ZNF142: variants seen among roughly 807,000 people sequenced by gnomAD.
The protein encoded by ZNF142 is zinc finger protein 142.
A neutral mutation model predicts 132.1 loss-of-function variants in ZNF142; 96 were observed. The ratio of observed to expected loss-of-function variants is 0.73; its 90% CI spans 0.62 to 0.86. ZNF142 has a LOEUF of 0.86. Ranked by LOEUF, ZNF142 falls within the 40% of genes least tolerant of loss-of-function variation. The pLI is 0.00. For missense variants in ZNF142, 2,163 were observed against 2,336.2 expected (o/e 0.93, Z 1.53); for synonymous variants, 842 against 890.1 (o/e 0.95, Z 0.96).
rs1448062047 is a variant in ZNF142, at chr2:218,636,905, C to T, written c.*1434G>A. 1 of 469,846 alleles carries T rather than the reference C, an allele frequency of 2.1e-6. No homozygotes were observed. Among genetic ancestry groups the T allele is most frequent in the African/African-American group, 2.0e-5 (1 of 50,654 alleles). 29.1% of individuals were successfully genotyped at this position (469,846 alleles called of 1,614,324 possible). On this transcript the variant is annotated 3_prime_UTR_variant, in exon 11 of 11. Transcript: ENST00000411696. ...CTACAACTAATCTTTCCCATCAACT[C>T]TGTGTGAAGGCAGGTTGCAACTAGA...
rs765443799 is a variant in ZNF142, at chr2:218,648,786, G to A, written c.1722C>T (p.Cys574=). 11 of 1,614,090 alleles carry A rather than the reference G, an allele frequency of 6.8e-6. No homozygotes were observed. Among genetic ancestry groups the A allele is most frequent in the Non-Finnish European group, 8.5e-6 (10 of 1,180,016 alleles). Residue 574 remains cysteine (C), a synonymous_variant, in exon 7 of 11, where the codon TGC becomes TGT. Coordinates refer to ENST00000411696, the MANE Select transcript of ZNF142 (RefSeq NM_001379659.1). ...QGHPGSEELR[C]TFCPFATFNP... ...TGAAGGTGGCAAAGGGGCAGAAGGT[G>A]CAGCGCAGCTCTTCACTGCCAGGGT...
At position 218,644,462 on chromosome 2, in the gene ZNF142, G is replaced by A; in HGVS notation, c.2654C>T (p.Pro885Leu). The change falls in exon 9 of 11, where the codon CCA becomes CTA. Residue 885 changes from proline to leucine, a missense_variant. This residue lies in a region of ZNF142 where 749 missense variants were observed against 830.3 expected (regional missense o/e 0.90). Coordinates refer to ENST00000411696, the MANE Select transcript of ZNF142 (RefSeq NM_001379659.1). This position sits in a 1 kb window ranked among gnomAD's most constrained non-coding sequence, Gnocchi z 4.6. Reference protein sequence around the residue: ...HGGDLGGSPSPAEVEEGSCTL... With the variant: ...HGGDLGGSPSLAEVEEGSCTL... Reference sequence around the variant, plus strand: ...GCAGCTGCCCTCCTCCACCTCTGCTGGGCTGGGACTGCCACCCAGGTCACC... The same window carrying A: ...GCAGCTGCCCTCCTCCACCTCTGCTAGGCTGGGACTGCCACCCAGGTCACC... 1 of 1,614,020 alleles carries A rather than the reference G, an allele frequency of 6.2e-7. No homozygotes were observed. The highest frequency in any genetic ancestry group is 8.5e-7 in the Non-Finnish European group (1 of 1,180,016).
In ZNF142 at chr2:218,635,487, C is replaced by T. The variant is rs1047901910; in HGVS notation, c.*2852G>A. 5.9e-5 allele frequency among the ~76,000 whole-genome samples: 9 copies of T among 152,024 alleles called. No homozygotes were observed. The highest frequency in any genetic ancestry group is 7.4e-5 in the Non-Finnish European group (5 of 67,998). On this transcript the variant is annotated 3_prime_UTR_variant, in exon 11 of 11. Transcript: ENST00000411696. ...CCGAGTAGCTGGGACTACAGGCGCC[C>T]GCCACCATGCCTGGCTAATTTTTGT... is the stretch of plus-strand genomic sequence containing the variant.
chr2:218,655,694 G>A (rs1045241805), intron 4 of ZNF142, among the ~76,000 whole-genome samples: 3 of 152,134 alleles, frequency 2.0e-5, no homozygotes. Context: ...GATGAGTAAA[G>A]TATGTTATAC....
At chr2:218,651,531 A>G (rs1470803108) in intron 5 of ZNF142, among the ~76,000 whole-genome samples, 170 bp downstream of exon 5, 1 of 152,228 alleles carries the variant, frequency 6.6e-6, no homozygotes, top group East Asian at 1.9e-4. Flanking sequence ...ATATATTCCA[A>G]CTGTTTCAAG....
Position 218,637,397 on chromosome 2 carries a change from T to C in ZNF142, c.*942A>G, listed in dbSNP as rs1696823144. On this transcript the variant is annotated 3_prime_UTR_variant, in exon 11 of 11. Coordinates refer to ENST00000411696, the MANE Select transcript of ZNF142 (RefSeq NM_001379659.1). ...TCCCAGCCTTCCTGAAGAGTCTGGCTGGAACCATCCTGGTTTATGTCTGTT... is the reference window on the plus strand; with the variant it reads ...TCCCAGCCTTCCTGAAGAGTCTGGCCGGAACCATCCTGGTTTATGTCTGTT... 6.6e-6 allele frequency among the ~76,000 whole-genome samples: 1 copy of C among 152,244 alleles called. No individual in the cohort carries two copies. The highest frequency in any genetic ancestry group is 1.5e-5 in the Non-Finnish European group (1 of 68,040).
rs769697323 is a variant in ZNF142, at chr2:218,640,724, C to T, written c.5134G>A (p.Glu1712Lys). The T allele has an allele frequency of 4.3e-6, 7 of 1,614,202 alleles. No individual in the cohort carries two copies. The South Asian group carries it at 7.7e-5, about 18-fold the overall frequency. The change falls in exon 10 of 11, where the codon GAG (glutamate) becomes AAG (lysine). Residue 1712 changes from glutamate (E) to lysine (K), a missense_variant. By Grantham distance (56) the Glu-to-Lys change is moderately conservative. Around this residue, in one of 7 missense-constraint regions of ZNF142, gnomAD observed 325 missense variants for 367.8 expected, o/e 0.88. Coordinates refer to ENST00000411696, the MANE Select transcript of ZNF142 (RefSeq NM_001379659.1). The stretch of plus-strand genomic sequence containing the variant: ...ACCCACTTGCACTTGTAGCCACACT[C>T]AGGGCACAGGTACTTCCGTTCCTCC... The part of the protein sequence containing the change: ...HKEERKYLCP[E>K]CGYKCKWVNQ...
chr2:218,635,711 G>T lies in ZNF142; in HGVS notation c.*2628C>A. On this transcript the variant is annotated 3_prime_UTR_variant, in exon 11 of 11. Coordinates refer to ENST00000411696, the MANE Select transcript of ZNF142 (RefSeq NM_001379659.1). ...TGGAGGATGTTTTACAAACCAAAAA[G>T]CTTCTTCTCCCCTGGGGTTGGGAGT... The T allele has an allele frequency of 6.7e-7, 1 of 1,490,948 alleles. No homozygotes were observed. Among genetic ancestry groups the T allele is most frequent in the Non-Finnish European group, 8.9e-7 (1 of 1,117,536 alleles). The allele number at this position is 1,490,948 out of a possible 1,614,324, so 92.4% of individuals were successfully genotyped here. A position where few individuals can be genotyped will look rare whatever the true frequency, so the allele number is the denominator to read the frequency against.
In ZNF142 at chr2:218,636,977, C is replaced by T. The variant is rs2106178604; in HGVS notation, c.*1362G>A. On this transcript the variant is annotated 3_prime_UTR_variant, in exon 11 of 11. Coordinates refer to ENST00000411696, the MANE Select transcript of ZNF142 (RefSeq NM_001379659.1). ...GAGAAACCTAAAGAAGCATCATCCC[C>T]TCCATCCCCAACTTCCTCAAAGCCC... 2.2e-6 allele frequency: 1 copy of T among 452,878 alleles called. No homozygotes were observed. Among genetic ancestry groups the T allele is most frequent in the Non-Finnish European group, 4.4e-6 (1 of 225,628 alleles). 28.1% of individuals were successfully genotyped at this position (452,878 alleles called of 1,614,324 possible). A position where few individuals can be genotyped will look rare whatever the true frequency, so the allele number is the denominator to read the frequency against.
At position 218,638,193 on chromosome 2, in the gene ZNF142, T is replaced by A; in HGVS notation, c.*146A>T. ...TATGGGTGATAATTTCAAAGTACTA[T>A]AGCCAGAGTCCCAGGAAGGTTCTAG... On this transcript the variant is annotated 3_prime_UTR_variant, in exon 11 of 11. Coordinates refer to ENST00000411696, the MANE Select transcript of ZNF142 (RefSeq NM_001379659.1). The A allele has an allele frequency of 1.6e-6, 1 of 642,532 alleles. No individual in the cohort carries two copies. The highest frequency in any genetic ancestry group is 2.3e-6 in the Non-Finnish European group (1 of 427,268). 39.8% of individuals were successfully genotyped at this position (642,532 alleles called of 1,614,324 possible).
chr2:218,646,080 G>T, intron 8 of ZNF142, 91 bp downstream of exon 8: 10 of 1,527,206 alleles, frequency 6.5e-6, no homozygotes, highest in Non-Finnish European at 2.7e-6. Context: ...AGGGACCGGA[G>T]AAAGAAATAG....
Position 218,648,615 on chromosome 2 carries a change from A to G in ZNF142, c.1873+20T>C. 6.3e-7 allele frequency: 1 copy of G among 1,597,376 alleles called. No homozygotes were observed. Among genetic ancestry groups the G allele is most frequent in the Non-Finnish European group, 8.6e-7 (1 of 1,166,564 alleles). The stretch of plus-strand genomic sequence containing the variant: ...ACCATCATTATTACAACATTATTTT[A>G]AGGATGGAAACCATCCTACCCGTAT... On this transcript the variant is annotated intron_variant, in intron 7 of 10. Transcript: ENST00000411696.
In ZNF142 at chr2:218,659,262, G is replaced by A. The variant is rs1376213903; in HGVS notation, c.-362+107C>T. The A allele has an allele frequency of 6.6e-6, 1 of 152,444 alleles. No individual in the cohort carries two copies. Among genetic ancestry groups the A allele is most frequent in the Non-Finnish European group, 1.5e-5 (1 of 68,246 alleles). 9.4% of individuals were successfully genotyped at this position (152,444 alleles called of 1,614,324 possible). A position where few individuals can be genotyped will look rare whatever the true frequency, so the allele number is the denominator to read the frequency against. On this transcript the variant is annotated intron_variant, in intron 1 of 10. Transcript: ENST00000411696. The surrounding 1 kb of genome is among the most constrained non-coding windows in gnomAD (Gnocchi z 4.4). ...CTCCCTTCAGTACCTCCTTCCGAGA[G>A]TTCCCAGCGCCCAGGCCCACCCTGA...
chr2:218,657,148 T>G (rs931217243), intron 3 of ZNF142, among the ~76,000 whole-genome samples: 2 of 151,958 alleles, frequency 1.3e-5, no homozygotes, highest in African/African-American at 4.8e-5. Context: ...ATAATCTCAC[T>G]ATTCCTCAGC....
rs977840233 is a variant in ZNF142, at chr2:218,642,161, T to A, written c.4955A>T (p.Tyr1652Phe). The A allele has an allele frequency of 6.2e-7, 1 of 1,614,058 alleles. No homozygotes were observed. Among genetic ancestry groups the A allele is most frequent in the Non-Finnish European group, 8.5e-7 (1 of 1,180,044 alleles). The change falls in exon 9 of 11, where the codon TAC becomes TTC. Residue 1652 changes from tyrosine to phenylalanine, a missense_variant. Transcript: ENST00000411696. This position sits in a 1 kb window ranked among gnomAD's most constrained non-coding sequence, Gnocchi z 4.6. ...HVKGHGGTRL[Y>F]KCTDCAYSTK... Reference sequence around the variant, plus strand: ...GCTGTAAGCACAATCGGTGCACTTGTAGAGACGAGTGCCCCCATGCCCTTT... The same window carrying A: ...GCTGTAAGCACAATCGGTGCACTTGAAGAGACGAGTGCCCCCATGCCCTTT...
chr2:218,640,551 C>G (rs1356419033), intron 10 of ZNF142, 113 bp downstream of exon 10: 5 of 898,812 alleles, frequency 5.6e-6, no homozygotes, highest in Non-Finnish European at 8.9e-6. Context: ...CTGTCTACTC[C>G]CAATGTGAAA....
rs909512978 is a variant in ZNF142, at chr2:218,659,173, G to A, written c.-361-43C>T. 10 of 152,372 alleles carry A rather than the reference G, an allele frequency of 6.6e-5. No homozygotes were observed. The highest frequency in any genetic ancestry group is 2.4e-4 in the African/African-American group (10 of 41,456). 9.4% of individuals were successfully genotyped at this position (152,372 alleles called of 1,614,324 possible). ...TCATGATTTTGTCCTGAGAGCAGCA[G>A]GTACCCGGGCGGGGTCCAGAACCGT... On this transcript the variant is annotated intron_variant, in intron 1 of 10. Transcript: ENST00000411696. This position sits in a 1 kb window ranked among gnomAD's most constrained non-coding sequence, Gnocchi z 4.4.
chr2:218,658,970 T>C lies in ZNF142; in HGVS notation c.-211+10A>G, dbSNP rs1938959879. The C allele has an allele frequency of 6.6e-6, 1 of 152,324 alleles. No individual in the cohort carries two copies. Among genetic ancestry groups the C allele is most frequent in the South Asian group, 2.1e-4 (1 of 4,838 alleles). The allele number at this position is 152,324 out of a possible 1,614,324, so 9.4% of individuals were successfully genotyped here. A position where few individuals can be genotyped will look rare whatever the true frequency, so the allele number is the denominator to read the frequency against. Reference sequence around the variant, plus strand: ...ACCCAGGTTCCCACCTGCCTCTGGCTCTGACTCACCGCGTGGTCTTGGACA... The same window carrying C: ...ACCCAGGTTCCCACCTGCCTCTGGCCCTGACTCACCGCGTGGTCTTGGACA... On this transcript the variant is annotated intron_variant, in intron 2 of 10. Coordinates refer to ENST00000411696, the MANE Select transcript of ZNF142 (RefSeq NM_001379659.1).
In ZNF142 at chr2:218,638,195, G is replaced by C. The variant is rs1414576609; in HGVS notation, c.*144C>G. ...TGGGTGATAATTTCAAAGTACTATAGCCAGAGTCCCAGGAAGGTTCTAGTC... is the reference window on the plus strand; with the variant it reads ...TGGGTGATAATTTCAAAGTACTATACCCAGAGTCCCAGGAAGGTTCTAGTC... On this transcript the variant is annotated 3_prime_UTR_variant, in exon 11 of 11. Transcript: ENST00000411696. 2 of 660,460 alleles carry C rather than the reference G, an allele frequency of 3.0e-6. No individual in the cohort carries two copies. Among genetic ancestry groups the C allele is most frequent in the Non-Finnish European group, 4.5e-6 (2 of 443,290 alleles). 40.9% of individuals were successfully genotyped at this position (660,460 alleles called of 1,614,324 possible). A position where few individuals can be genotyped will look rare whatever the true frequency, so the allele number is the denominator to read the frequency against.
Sources: gnomAD v4.1 joint callset for allele counts (sites outside exome capture counted in the v4.1 genomes callset) on GRCh38, gnomAD v4.1.1 for gene constraint, gnomAD v4.1.1 regional missense constraint, Gnocchi (gnomAD v3.1) non-coding constraint, MANE v1.5 for transcripts, NCBI Gene and HGNC (gene_info 2026-07-23, HGNC 2026-07-21) for gene names.